LMO7: variants seen among roughly 807,000 people sequenced by gnomAD.
LMO7 encodes LIM domain only protein 7.
A neutral mutation model predicts 206.5 loss-of-function variants in LMO7; 120 were observed. The observed-to-expected ratio is 0.58, with a 90% CI of 0.50 to 0.68. The LOEUF is 0.68. Among genes scored for constraint, LMO7 ranks in the 30% least tolerant of loss-of-function variants. LMO7 has a pLI of 0.00. For missense variants in LMO7, 1,959 were observed against 1,957.9 expected, an observed-to-expected ratio of 1.00 and a Z score of -0.01; for synonymous variants, 706 against 681.5, an observed-to-expected ratio of 1.04 and a Z score of -0.56.
At chr13:75,647,951 C>CTTTCTTTTTTT (rs1555286938) in intron 1 of LMO7, among the ~76,000 whole-genome samples, 25 of 91,122 alleles carry the variant, frequency 2.7e-4, no homozygotes, top group African/African-American at 6.5e-4. Context: ...TCTTTTCTTT[C>CTTTCTTTTTTT]TTTTTTTTTT....
At chr13:75,736,670 G>A (rs138491900) in intron 3 of LMO7, among the ~76,000 whole-genome samples, 59 of 152,316 alleles carry the variant, frequency 3.9e-4, no homozygotes, top group Middle Eastern at 3.4e-3. Flanking sequence ...AAAGCATCAC[G>A]TAATAAATGT....
intron 4 of LMO7, among the ~76,000 whole-genome samples, chr13:75,765,371 CTTT>C (rs77568842): frequency 4.2e-5 from 5 of 118,794 alleles, no homozygotes; most frequent in South Asian, 2.6e-4. Flanking sequence ...ACATCTTCAT[CTTT>C]TTTTTTTTTT....
At chr13:75,706,640 A>G (rs1437903542) in intron 1 of LMO7, among the ~76,000 whole-genome samples, 2 of 152,134 alleles carry the variant, frequency 1.3e-5, no homozygotes, top group Admixed American at 1.3e-4. Context: ...ACATCTTTTT[A>G]TCCAGGAAAA....
intron 4 of LMO7, among the ~76,000 whole-genome samples, chr13:75,791,741 T>C (rs2053310101): frequency 6.6e-6 from 1 of 152,146 alleles, no homozygotes. Flanking sequence ...GTTCTAAATA[T>C]TGGGGTCCAC....
In LMO7 at chr13:75,821,613, A is replaced by G. The variant is rs2057575209; in HGVS notation, c.2640+4A>G. On this transcript the variant is annotated splice_donor_region_variant and intron_variant, in intron 14 of 30. Coordinates refer to ENST00000377534, the MANE Select transcript of LMO7 (RefSeq NM_001306080.2). Reference sequence around the variant, plus strand: ...ATCACTCCCCAGATCTTACACGGTAAAAAATGTTCTCGGTTCATTTAGTCT... The same window carrying G: ...ATCACTCCCCAGATCTTACACGGTAGAAAATGTTCTCGGTTCATTTAGTCT... 6.2e-7 allele frequency: 1 copy of G among 1,605,390 alleles called. No individual in the cohort carries two copies. The highest frequency in any genetic ancestry group is 1.1e-5 in the South Asian group (1 of 89,802).
upstream of LMO7, among the ~76,000 whole-genome samples, chr13:75,633,636 G>A (rs531564974): frequency 1.3e-5 from 2 of 152,232 alleles, no homozygotes; most frequent in Admixed American, 6.5e-5. Context: ...TGTGGAGGAG[G>A]AGGAGTCTCT....
At chr13:75,819,157 C>A (rs779121000) in intron 12 of LMO7, 4 of 368,264 alleles carry the variant, frequency 1.1e-5, no homozygotes, top group Non-Finnish European at 1.9e-5. Context: ...GAGGCAGATA[C>A]TTTCTGGGAA....
At chr13:75,793,465 G>A (rs1267103755) in intron 4 of LMO7, among the ~76,000 whole-genome samples, 2 of 152,066 alleles carry the variant, frequency 1.3e-5, no homozygotes, top group Non-Finnish European at 1.5e-5. Context: ...CAGTAGAGAC[G>A]GGGTTTCCCC....
At chr13:75,820,152 T>C (rs1304015069) in intron 13 of LMO7, among the ~76,000 whole-genome samples, 7 of 152,234 alleles carry the variant, frequency 4.6e-5, no homozygotes, top group Admixed American at 4.6e-4. Flanking sequence ...AAATATGCTG[T>C]CAGGTGAAAT....
At chr13:75,681,718 G>GTGTATA (rs1270207162) in intron 1 of LMO7, among the ~76,000 whole-genome samples, 36 of 104,564 alleles carry the variant, frequency 3.4e-4, no homozygotes, top group South Asian at 1.0e-3. Flanking sequence ...ATATATATAT[G>GTGTATA]TATATATATA....
intron 7 of LMO7, 58 bp from the exon 8 acceptor site, chr13:75,804,231 G>T: frequency 1.3e-6 from 2 of 1,559,152 alleles, no homozygotes; most frequent in East Asian, 2.3e-5. Context: ...GCGCTGTGTG[G>T]GTTTCAGTTA....
chr13:75,840,216 G>A, intron 21 of LMO7, 106 bp downstream of exon 21: 1 of 1,398,376 alleles, frequency 7.2e-7, no homozygotes, highest in African/African-American at 1.4e-5. Context: ...GAATTTATCA[G>A]AGAGTTATCC....
chr13:75,690,870 A>G (rs974642680), intron 1 of LMO7, among the ~76,000 whole-genome samples: 17 of 152,342 alleles, frequency 1.1e-4, no homozygotes, highest in African/African-American at 4.1e-4. Flanking sequence ...GAAAGGATGA[A>G]CAATAGTTTC....
chr13:75,823,951 C>T, intron 15 of LMO7, 78 bp downstream of exon 15: 8 of 1,218,878 alleles, frequency 6.6e-6, no homozygotes, highest in South Asian at 5.5e-5. Context: ...TCTCAAATGT[C>T]AAACCTCTAG....
intron 1 of LMO7, among the ~76,000 whole-genome samples, chr13:75,692,105 T>G (rs534198749): frequency 6.6e-6 from 1 of 152,370 alleles, no homozygotes; most frequent in Non-Finnish European, 1.5e-5. Context: ...TCCTGCATTA[T>G]GTAGTCTGCA....
intron 1 of LMO7, among the ~76,000 whole-genome samples, chr13:75,654,032 T>TA (rs200463809): frequency 2.0e-5 from 3 of 152,274 alleles, no homozygotes; most frequent in African/African-American, 7.2e-5. Flanking sequence ...TTATTTCATA[T>TA]AAAAAAGTAC....
At chr13:75,694,180 G>A (rs558132104) in intron 1 of LMO7, among the ~76,000 whole-genome samples, 4 of 152,318 alleles carry the variant, frequency 2.6e-5, no homozygotes, top group Non-Finnish European at 5.9e-5. Flanking sequence ...GCAGAATGGT[G>A]TAACTACTGA....
chr13:75,804,250 A>G, intron 7 of LMO7, 39 bp from the exon 8 acceptor site: 1 of 1,594,066 alleles, frequency 6.3e-7, no homozygotes, highest in Non-Finnish European at 8.6e-7. Context: ...TAGGCGAATA[A>G]TCTGGAGAGT....
chr13:75,696,970 G>C (rs2041951812), intron 1 of LMO7, among the ~76,000 whole-genome samples: 1 of 152,122 alleles, frequency 6.6e-6, no homozygotes, highest in African/African-American at 2.4e-5. Flanking sequence ...GGAAGCTGGT[G>C]ATCCACATTT....
Sources: allele counts gnomAD v4.1 joint callset (sites outside exome capture counted in the v4.1 genomes callset), GRCh38; gene constraint gnomAD v4.1.1; transcripts MANE v1.5; gene names NCBI Gene and HGNC (gene_info 2026-07-23, HGNC 2026-07-21).